The following RASAL2 variants were observed in gnomAD, a reference collection of about 807,000 sequenced individuals.
The protein encoded by RASAL2 is RAS protein activator like 2, also known as ras GTPase-activating protein nGAP.
In RASAL2, 58 loss-of-function variants were observed where a neutral mutation model predicts 128.9. That is an observed-to-expected ratio of 0.45 (90% CI 0.36 to 0.56). The LOEUF (loss-of-function observed/expected upper bound fraction) is 0.56, where lower values mean the gene tolerates loss of function less well. RASAL2 is among the 20% of genes least tolerant of loss of function. The pLI is 0.00. For synonymous variants in RASAL2, 561 were observed against 580.8 expected, an observed-to-expected ratio of 0.97 and a Z score of 0.49; for missense variants, 1,360 against 1,601.6, an observed-to-expected ratio of 0.85 and a Z score of 2.57.
chr1:178,435,051 T>TACA (rs1676166754), intron 5 of RASAL2, among the ~76,000 whole-genome samples: 1 of 152,022 alleles, frequency 6.6e-6, no homozygotes. Flanking sequence ...TACTGGTGAA[T>TACA]ACAACAGTAT....
At chr1:178,383,497 CTTTAT>C (rs1204857072) in intron 3 of RASAL2, among the ~76,000 whole-genome samples, 5 of 152,120 alleles carry the variant, frequency 3.3e-5, no homozygotes, top group African/African-American at 1.2e-4. Context: ...GTCACTTTTT[CTTTAT>C]AATATTTTTC....
At chr1:178,106,338 T>G (rs2102233663) in intron 1 of RASAL2, among the ~76,000 whole-genome samples, 1 of 152,326 alleles carries the variant, frequency 6.6e-6, no homozygotes. Flanking sequence ...TAGATTTCCC[T>G]CCATGGTTCC....
At chr1:178,399,578 T>C (rs1206383507) in intron 4 of RASAL2, among the ~76,000 whole-genome samples, 1 of 152,112 alleles carries the variant, frequency 6.6e-6, no homozygotes, top group South Asian at 2.1e-4. Flanking sequence ...CCCTGGCACC[T>C]CTGAAGGTTT....
At chr1:178,399,847 A>G (rs536955500) in intron 4 of RASAL2, among the ~76,000 whole-genome samples, 3 of 152,254 alleles carry the variant, frequency 2.0e-5, no homozygotes, top group East Asian at 1.9e-4. Context: ...CCGGCCTCCA[A>G]TTCCTCCTCA....
chr1:178,347,234 GA>G (rs1440209875), intron 3 of RASAL2, among the ~76,000 whole-genome samples: 1 of 152,076 alleles, frequency 6.6e-6, no homozygotes, highest in East Asian at 1.9e-4. Context: ...CTTCCCAGTA[GA>G]AATTCTCCCA....
intron 3 of RASAL2, among the ~76,000 whole-genome samples, chr1:178,328,823 G>A (rs1240589919): frequency 6.6e-6 from 1 of 152,054 alleles, no homozygotes; most frequent in Non-Finnish European, 1.5e-5. Context: ...TTTTCCTACT[G>A]CTTTATACAA....
chr1:178,339,650 A>T (rs1669767462), intron 3 of RASAL2, among the ~76,000 whole-genome samples: 1 of 152,208 alleles, frequency 6.6e-6, no homozygotes, highest in Non-Finnish European at 1.5e-5. Context: ...AGGTGAGGCC[A>T]CTTTAGCCAT....
In RASAL2 at chr1:178,395,771, G is replaced by GTATATATA. The variant is rs57664965; in HGVS notation, c.564+5579_564+5586dup. Among the ~76,000 whole-genome samples, 951 of 132,972 alleles carry GTATATATA rather than the reference G, an allele frequency of 7.2e-3. 40 individuals are homozygous for GTATATATA. Among genetic ancestry groups the GTATATATA allele is most frequent in the Middle Eastern group, 0.027 (7 of 264 alleles). The allele number at this position is 132,972 out of a possible 152,430, so 87.2% of individuals were successfully genotyped here. ...CCAGTGAGACCTCTTTTAATGAACA[G>GTATATATA]TATATATATATATATATATATTTAT... On this transcript the variant is annotated intron_variant, in intron 4 of 17. Transcript: ENST00000367649.
intron 3 of RASAL2, among the ~76,000 whole-genome samples, chr1:178,311,717 C>A (rs1668260611): frequency 1.3e-5 from 2 of 152,044 alleles, no homozygotes; most frequent in African/African-American, 2.4e-5. Context: ...TAGTAGAATA[C>A]CCCTTGGTGT....
At chr1:178,128,642 T>A (rs1192224754) in intron 1 of RASAL2, among the ~76,000 whole-genome samples, 1 of 152,170 alleles carries the variant, frequency 6.6e-6, no homozygotes, top group Non-Finnish European at 1.5e-5. Flanking sequence ...AATCCAGTTT[T>A]AGAACATTTC....
intron 1 of RASAL2, among the ~76,000 whole-genome samples, chr1:178,110,255 G>T (rs1446690901): frequency 6.6e-6 from 1 of 151,840 alleles, no homozygotes; most frequent in African/African-American, 2.4e-5. Flanking sequence ...GATTAGTTTG[G>T]ATTTTCAAGA....
At chr1:178,258,599 A>G (rs1665501106) in intron 1 of RASAL2, among the ~76,000 whole-genome samples, 1 of 152,218 alleles carries the variant, frequency 6.6e-6, no homozygotes, top group Non-Finnish European at 1.5e-5. Context: ...CTAGAATCAA[A>G]AAGTCAGATA....
chr1:178,454,827 A>C (rs963388395), intron 12 of RASAL2, among the ~76,000 whole-genome samples, 179 bp downstream of exon 12: 8 of 152,212 alleles, frequency 5.3e-5, no homozygotes, highest in East Asian at 3.8e-4. Flanking sequence ...GAAACTCTAG[A>C]AAACCATGAC....
chr1:178,470,753 T>C (rs1183801120), intron 17 of RASAL2: 1 of 1,361,566 alleles, frequency 7.3e-7, no homozygotes, highest in Admixed American at 1.9e-5. Flanking sequence ...GTTCTCTAGC[T>C]GAGCAGTTCC....
At chr1:178,288,452 C>T (rs1327394623) in intron 2 of RASAL2, among the ~76,000 whole-genome samples, 1 of 151,890 alleles carries the variant, frequency 6.6e-6, no homozygotes, top group East Asian at 1.9e-4. Flanking sequence ...TTTCCTTCTA[C>T]CCTTATTTTA....
At chr1:178,447,261 G>C (rs1677068062) in intron 9 of RASAL2, among the ~76,000 whole-genome samples, 1 of 151,936 alleles carries the variant, frequency 6.6e-6, no homozygotes. Context: ...GTTCGAGGCA[G>C]CAGTGAGCTA....
chr1:178,453,450 A>G (rs1677533693), intron 11 of RASAL2, among the ~76,000 whole-genome samples: 1 of 152,056 alleles, frequency 6.6e-6, no homozygotes, highest in Non-Finnish European at 1.5e-5. Flanking sequence ...AAACTTGGCA[A>G]ATATAACAGT....
At chr1:178,203,576 A>T (rs757503982) in intron 1 of RASAL2, among the ~76,000 whole-genome samples, 35 of 152,190 alleles carry the variant, frequency 2.3e-4, no homozygotes, top group Admixed American at 1.1e-3. Flanking sequence ...TATTCCTGCA[A>T]CATTATGTTC....
At chr1:178,461,298 G>A (rs764694331) in intron 14 of RASAL2, among the ~76,000 whole-genome samples, 11 of 152,060 alleles carry the variant, frequency 7.2e-5, no homozygotes, top group Non-Finnish European at 1.6e-4. Context: ...TTCTGTAGGC[G>A]GCTGTAATTA....
Sources: gnomAD v4.1 joint callset for allele counts (sites outside exome capture counted in the v4.1 genomes callset) on GRCh38, gnomAD v4.1.1 for gene constraint, MANE v1.5 for transcripts, NCBI Gene and HGNC (gene_info 2026-07-23, HGNC 2026-07-21) for gene names.